Variants in CRISP1 observed in about 807,000 individuals in gnomAD.
CRISP1 encodes cysteine rich secretory protein 1.
Under a neutral mutation model 33.1 loss-of-function variants are expected in CRISP1, and 44 were observed. The ratio of observed to expected loss-of-function variants is 1.33; its 90% CI spans 1.05 to 1.71. The LOEUF (loss-of-function observed/expected upper bound fraction) is 1.71. Among genes scored for constraint, CRISP1 ranks in the 40% most tolerant of loss-of-function variants. The probability of loss-of-function intolerance (pLI) is 0.00; values close to 1 mark genes in which losing one functional copy is unlikely to be tolerated. For missense variants in CRISP1, 390 were observed against 301.2 expected (o/e 1.29, Z -2.18); for synonymous variants, 103 against 98.7 (o/e 1.04, Z -0.26).
At chr6:49,869,689 G>A (rs940173197), upstream of CRISP1, among the ~76,000 whole-genome samples, 4 of 152,078 alleles carry the variant, frequency 2.6e-5, no homozygotes, top group African/African-American at 4.8e-5. Context: ...TCTTTCCCAG[G>A]AGTAAAAGTG....
intron 4 of CRISP1, among the ~76,000 whole-genome samples, chr6:49,846,991 A>G (rs1771195812): frequency 6.6e-6 from 1 of 152,172 alleles, no homozygotes; most frequent in Admixed American, 6.6e-5. Context: ...AACAGGGTCT[A>G]TGGCTTAAAG....
At chr6:49,865,551 A>T (rs1304896588) in intron 1 of CRISP1, among the ~76,000 whole-genome samples, 3 of 152,322 alleles carry the variant, frequency 2.0e-5, no homozygotes, top group Non-Finnish European at 4.4e-5. Flanking sequence ...TATATGTAAA[A>T]GGTCTTTGTG....
intron 1 of CRISP1, among the ~76,000 whole-genome samples, chr6:49,873,871 A>G (rs958791790): frequency 1.3e-5 from 2 of 152,082 alleles, no homozygotes; most frequent in Non-Finnish European, 2.9e-5. Flanking sequence ...TCAGAACCAT[A>G]AAGCTGAGCT....
chr6:49,868,451 C>T (rs1037657168), upstream of CRISP1, among the ~76,000 whole-genome samples: 2 of 152,080 alleles, frequency 1.3e-5, no homozygotes, highest in Admixed American at 1.3e-4. Context: ...AATGTGTTTA[C>T]AATCACATCA....
At chr6:49,870,936 A>C (rs1443591779), upstream of CRISP1, among the ~76,000 whole-genome samples, 1 of 152,028 alleles carries the variant, frequency 6.6e-6, no homozygotes, top group Non-Finnish European at 1.5e-5. Context: ...CCCCATGCCT[A>C]CTAAAAATAC....
chr6:49,848,972 C>T (rs905867430), intron 3 of CRISP1, among the ~76,000 whole-genome samples: 7 of 152,136 alleles, frequency 4.6e-5, no homozygotes, highest in Non-Finnish European at 8.8e-5. Context: ...AGTAACTTTT[C>T]GGGGTCACAC....
At chr6:49,852,371 T>C (rs1217729882) in intron 2 of CRISP1, among the ~76,000 whole-genome samples, 1 of 152,172 alleles carries the variant, frequency 6.6e-6, no homozygotes, top group African/African-American at 2.4e-5. Flanking sequence ...ATCCTGTTAT[T>C]AGGGTTTTTC....
chr6:49,840,767 G>C (rs1770959498), intron 6 of CRISP1, 131 bp downstream of exon 6: 6 of 626,100 alleles, frequency 9.6e-6, no homozygotes, highest in Non-Finnish European at 5.5e-6. Context: ...AGGACATCTG[G>C]GTTATTTCCA....
intron 6 of CRISP1, among the ~76,000 whole-genome samples, chr6:49,840,409 A>G (rs550809919): frequency 5.3e-5 from 8 of 152,322 alleles, no homozygotes; most frequent in African/African-American, 1.9e-4. Context: ...CTTTTTGACT[A>G]GATAGCTAAA....
At chr6:49,868,456 ACAT>A (rs1771849938), upstream of CRISP1, among the ~76,000 whole-genome samples, 1 of 152,172 alleles carries the variant, frequency 6.6e-6, no homozygotes, top group African/African-American at 2.4e-5. Context: ...GTTTACAATC[ACAT>A]CATGTTTGTC....
intron 7 of CRISP1, 150 bp from the exon 8 acceptor site, chr6:49,835,593 C>A: frequency 1.4e-6 from 1 of 724,754 alleles, no homozygotes; most frequent in South Asian, 2.3e-5. Flanking sequence ...AATCTGAATG[C>A]AAAACAGGTG....
intron 7 of CRISP1, 61 bp downstream of exon 7, chr6:49,838,376 G>T: frequency 1.7e-6 from 2 of 1,162,014 alleles, no homozygotes; most frequent in South Asian, 1.3e-5. Flanking sequence ...TTAATTTAAA[G>T]GATGTATGGT....
intron 1 of CRISP1, among the ~76,000 whole-genome samples, chr6:49,866,039 GT>G (rs1353128616): frequency 1.3e-5 from 2 of 152,138 alleles, no homozygotes; most frequent in African/African-American, 4.8e-5. Context: ...ACCACTACCT[GT>G]TTGACTATGG....
chr6:49,846,793 G>T, intron 4 of CRISP1, 125 bp from the exon 5 acceptor site: 1 of 894,694 alleles, frequency 1.1e-6, no homozygotes, highest in Non-Finnish European at 1.6e-6. Flanking sequence ...CTGAGAGGGA[G>T]TAAAATAAGT....
intron 6 of CRISP1, among the ~76,000 whole-genome samples, chr6:49,839,001 C>T (rs566103410): frequency 6.6e-6 from 1 of 152,200 alleles, no homozygotes; most frequent in Admixed American, 6.5e-5. Flanking sequence ...TTATAAGAAA[C>T]TTTTTACATG....
chr6:49,867,336 G>C (rs1771822029), upstream of CRISP1, among the ~76,000 whole-genome samples: 1 of 152,026 alleles, frequency 6.6e-6, no homozygotes, highest in Non-Finnish European at 1.5e-5. Context: ...GTTTGTATAT[G>C]TGAGTGCATG....
intron 1 of CRISP1, among the ~76,000 whole-genome samples, chr6:49,858,178 G>T (rs879716751): frequency 6.6e-6 from 1 of 152,144 alleles, no homozygotes; most frequent in South Asian, 2.1e-4. Flanking sequence ...CATAATATCT[G>T]ATCACTTTGC....
chr6:49,849,693 G>A (rs2127473420), intron 3 of CRISP1, among the ~76,000 whole-genome samples: 1 of 152,190 alleles, frequency 6.6e-6, no homozygotes, highest in East Asian at 1.9e-4. Flanking sequence ...ACTGTTTGGA[G>A]GACACTCATT....
rs1284464785 is a variant in CRISP1, at chr6:49,857,354, A to G, written c.47T>C (p.Leu16Pro). The change falls in exon 2 of 8, where the codon CTG (leucine) becomes CCG (proline). Residue 16 changes from leucine to proline, a missense_variant. Leu to Pro is a moderately conservative substitution (Grantham distance 98, BLOSUM62 -3). Coordinates refer to ENST00000335847, the MANE Select transcript of CRISP1 (RefSeq NM_001131.3). The stretch of plus-strand genomic sequence containing the variant: ...ACATACTTTCATGGACAACATAGGC[A>G]GTAAGCAAGCAGCAGCAACCAAAAA... ...LLFLVAAACL[L>P]PMLSMKKKSA... 2 of 1,612,978 alleles carry G rather than the reference A, an allele frequency of 1.2e-6. No homozygotes were observed. Among genetic ancestry groups the G allele is most frequent in the African/African-American group, 1.3e-5 (1 of 74,882 alleles).
Sources: gnomAD v4.1 joint callset for allele counts (sites outside exome capture counted in the v4.1 genomes callset) on GRCh38, gnomAD v4.1.1 for gene constraint, MANE v1.5 for transcripts, NCBI Gene and HGNC (gene_info 2026-07-23, HGNC 2026-07-21) for gene names.